TCF7L2: variants seen among roughly 807,000 people sequenced by gnomAD.
The protein encoded by TCF7L2 is transcription factor 7 like 2, also known as transcription factor 7-like 2.
In TCF7L2, 23 loss-of-function variants were observed where a neutral mutation model predicts 77.9. That is an observed-to-expected ratio of 0.30 (90% CI 0.21 to 0.42). The LOEUF (loss-of-function observed/expected upper bound fraction) is 0.42. Among genes scored for constraint, TCF7L2 ranks in the 10% least tolerant of loss-of-function variants. The probability of loss-of-function intolerance (pLI) is 1.00; values close to 1 mark genes in which losing one functional copy is unlikely to be tolerated. For missense variants in TCF7L2, 654 were observed against 793.1 expected (o/e 0.82, Z 2.11); for synonymous variants, 413 against 340.2 (o/e 1.21, Z -2.36).
intron 5 of TCF7L2, among the ~76,000 whole-genome samples, chr10:113,099,292 A>G (rs537878256): frequency 6.6e-6 from 1 of 152,310 alleles, no homozygotes; most frequent in East Asian, 1.9e-4. Flanking sequence ...AGTCTTTCTC[A>G]GATGTCAGGA....
chr10:113,029,441 G>T (rs2049811668), intron 4 of TCF7L2, among the ~76,000 whole-genome samples: 1 of 151,426 alleles, frequency 6.6e-6, no homozygotes, highest in African/African-American at 2.4e-5. Context: ...ATATGATTTT[G>T]TATAGAACGG....
At chr10:113,119,936 A>G (rs1291297866) in intron 5 of TCF7L2, among the ~76,000 whole-genome samples, 2 of 152,204 alleles carry the variant, frequency 1.3e-5, no homozygotes, top group African/African-American at 2.4e-5. Context: ...AGTGAGAGAC[A>G]TTATTCTTGG....
intron 4 of TCF7L2, among the ~76,000 whole-genome samples, chr10:113,011,289 T>G (rs992524508): frequency 6.6e-6 from 1 of 151,954 alleles, no homozygotes; most frequent in Non-Finnish European, 1.5e-5. Flanking sequence ...GGCCATAGAG[T>G]TCTCAGAAGG....
intron 5 of TCF7L2, among the ~76,000 whole-genome samples, chr10:113,045,251 T>C (rs2053222933): frequency 6.6e-6 from 1 of 152,134 alleles, no homozygotes; most frequent in Non-Finnish European, 1.5e-5. Flanking sequence ...CTGTAGCGCT[T>C]CCTATGCGAG....
intron 5 of TCF7L2, among the ~76,000 whole-genome samples, chr10:113,048,156 G>A (rs146307334): frequency 2.6e-5 from 4 of 152,156 alleles, no homozygotes; most frequent in Non-Finnish European, 5.9e-5. Context: ...TTTTTGTTTC[G>A]GCACCTGCTC....
intron 5 of TCF7L2, among the ~76,000 whole-genome samples, chr10:113,041,748 A>G (rs1023973964): frequency 1.1e-4 from 17 of 152,210 alleles, no homozygotes; most frequent in African/African-American, 4.1e-4. Context: ...TGACAGTTCT[A>G]GACACCTAGA....
At chr10:112,981,494 T>C (rs1020230012) in intron 4 of TCF7L2, among the ~76,000 whole-genome samples, 7 of 152,174 alleles carry the variant, frequency 4.6e-5, no homozygotes, top group Admixed American at 1.3e-4. Flanking sequence ...ATTGGGTTGG[T>C]ACCTCCGCCA....
chr10:113,157,939 C>T, intron 11 of TCF7L2, 82 bp from the exon 12 acceptor site: 1 of 1,433,744 alleles, frequency 7.0e-7, no homozygotes, highest in Non-Finnish European at 9.6e-7. Context: ...CTTCCTCCTG[C>T]CTTCTCCTTC....
At chr10:113,059,690 T>A (rs1281744511) in intron 5 of TCF7L2, among the ~76,000 whole-genome samples, 2 of 152,136 alleles carry the variant, frequency 1.3e-5, no homozygotes. Flanking sequence ...GTCTCAATTG[T>A]TCCTTTGGTT....
intron 5 of TCF7L2, among the ~76,000 whole-genome samples, chr10:113,066,249 C>T (rs1462552207): frequency 6.6e-6 from 1 of 151,968 alleles, no homozygotes; most frequent in Non-Finnish European, 1.5e-5. Flanking sequence ...CCTGTAATCC[C>T]AGCTACTGGG....
intron 4 of TCF7L2, among the ~76,000 whole-genome samples, chr10:113,006,347 G>A (rs143101196): frequency 2.0e-5 from 3 of 152,166 alleles, no homozygotes; most frequent in African/African-American, 7.2e-5. Context: ...AGCACAGCCC[G>A]AGGGCTCACT....
chr10:112,967,278 G>A (rs1006023980), intron 4 of TCF7L2, among the ~76,000 whole-genome samples: 14 of 152,132 alleles, frequency 9.2e-5, no homozygotes, highest in Non-Finnish European at 7.3e-5. Context: ...ATAAATACTA[G>A]ATTTCAATAG....
At chr10:112,993,971 C>T (rs1259446341) in intron 4 of TCF7L2, among the ~76,000 whole-genome samples, 5 of 151,648 alleles carry the variant, frequency 3.3e-5, no homozygotes, top group South Asian at 2.1e-4. Flanking sequence ...AGGAGAATCA[C>T]TTGAACCTGA....
intron 4 of TCF7L2, among the ~76,000 whole-genome samples, chr10:113,033,068 T>G (rs562602836): frequency 1.4e-3 from 210 of 152,302 alleles, no homozygotes; most frequent in African/African-American, 4.8e-3. Flanking sequence ...AGGGAAAAAC[T>G]TAAAAGAGTT....
At chr10:113,129,514 T>G in intron 5 of TCF7L2, 1 of 1,006,824 alleles carries the variant, frequency 9.9e-7, no homozygotes, top group Non-Finnish European at 1.2e-6. Context: ...AAAAATTAAA[T>G]CTGCAACCAG....
At chr10:113,019,040 C>A (rs536687190) in intron 4 of TCF7L2, among the ~76,000 whole-genome samples, 7 of 152,222 alleles carry the variant, frequency 4.6e-5, no homozygotes, top group Non-Finnish European at 8.8e-5. Flanking sequence ...CCAATGGGAC[C>A]CAGTGTAAGA....
intron 5 of TCF7L2, among the ~76,000 whole-genome samples, chr10:113,091,818 G>C (rs1169865999): frequency 6.6e-6 from 1 of 152,190 alleles, no homozygotes; most frequent in African/African-American, 2.4e-5. Context: ...ATTACCTGGA[G>C]CTGCTGTCTG....
At chr10:112,962,656 C>T (rs541466480) in intron 3 of TCF7L2, among the ~76,000 whole-genome samples, 3 of 152,158 alleles carry the variant, frequency 2.0e-5, no homozygotes, top group East Asian at 1.9e-4. Context: ...TGGAGTGCAG[C>T]GATAAGGTCT....
At chr10:113,043,404 A>G (rs2052806157) in intron 5 of TCF7L2, among the ~76,000 whole-genome samples, 1 of 152,138 alleles carries the variant, frequency 6.6e-6, no homozygotes, top group Non-Finnish European at 1.5e-5. Flanking sequence ...TTAAGAATAG[A>G]CTCCACAAAT....
Sources: gnomAD v4.1 joint callset for allele counts (sites outside exome capture counted in the v4.1 genomes callset) on GRCh38, gnomAD v4.1.1 for gene constraint, MANE v1.5 for transcripts, NCBI Gene and HGNC (gene_info 2026-07-23, HGNC 2026-07-21) for gene names.